The following NRDE2 variants were observed in gnomAD, a reference collection of about 807,000 sequenced individuals.
NRDE2 encodes the protein nuclear exosome regulator NRDE2.
NRDE2 carries 76 observed loss-of-function variants against 124.2 expected under a neutral mutation model. The observed-to-expected ratio is 0.61, with a 90% CI of 0.51 to 0.74. NRDE2 has a LOEUF of 0.74. Among genes scored for constraint, NRDE2 ranks in the 30% least tolerant of loss-of-function variants. NRDE2 has a pLI of 0.00. For synonymous variants in NRDE2, 489 were observed against 528.1 expected, an observed-to-expected ratio of 0.93 and a Z score of 1.01; for missense variants, 1,314 against 1,417.3, an observed-to-expected ratio of 0.93 and a Z score of 1.17.
At position 90,269,361 on chromosome 14, in the gene NRDE2, T is replaced by C. The variant is rs200776384; in HGVS notation, c.*8975A>G. On this transcript the variant is annotated 3_prime_UTR_variant, in exon 14 of 14. Transcript: ENST00000354366. ...AATTCCCCTTGAGCAGGCGATCAGT[T>C]GAGTCTTCATTCCTTCCCTTTTTTT... 3.8e-6 allele frequency: 6 copies of C among 1,566,594 alleles called. No individual in the cohort carries two copies. Among genetic ancestry groups the C allele is most frequent in the Non-Finnish European group, 4.3e-6 (5 of 1,157,076 alleles).
chr14:90,319,004 T>C (rs1196196476), intron 1 of NRDE2, among the ~76,000 whole-genome samples: 1 of 152,220 alleles, frequency 6.6e-6, no homozygotes, highest in African/African-American at 2.4e-5. Context: ...ATTATATAAA[T>C]GTGAATACTG....
intron 8 of NRDE2, among the ~76,000 whole-genome samples, chr14:90,297,434 T>C (rs1199068203): frequency 1.3e-5 from 2 of 152,106 alleles, no homozygotes; most frequent in African/African-American, 4.8e-5. Context: ...AAATTTGAAA[T>C]TACACAAGAG....
In NRDE2 at chr14:90,316,756, G is replaced by A; in HGVS notation, c.229C>T (p.Gln77Ter). The change falls in exon 3 of 14, where the codon CAA (glutamine) becomes TAA (stop). Residue 77 changes from glutamine to a stop codon, truncating the protein, a stop_gained. Coordinates refer to ENST00000354366, the MANE Select transcript of NRDE2 (RefSeq NM_017970.4). LOFTEE classifies it high-confidence loss of function. ...DESDTNKKLK[Q>*]TSRKKKKEKK... ...TCTTTCTTCTTTTTTCTACTTGTTT[G>A]TTTGAGCTTTTTGTTAGTGTCACTT... 1.2e-6 allele frequency: 2 copies of A among 1,610,710 alleles called. No individual in the cohort carries two copies. Among genetic ancestry groups the A allele is most frequent in the South Asian group, 2.2e-5 (2 of 90,482 alleles).
Position 90,302,871 on chromosome 14 carries a change from T to C in NRDE2, c.1260A>G (p.Lys420=). The change falls in exon 6 of 14, where the codon AAA becomes AAG. Residue 420 remains lysine (K), a synonymous_variant. Coordinates refer to ENST00000354366, the MANE Select transcript of NRDE2 (RefSeq NM_017970.4). The part of the protein sequence containing the change: ...LHPNNTALWQ[K]YLLFCQSQFS... ...ACTGGCTCTGGCAAAATAAAAGGTA[T>C]TTCTGCCAAAGGGCTGTATTATTGG... is the stretch of plus-strand genomic sequence containing the variant. 1.2e-6 allele frequency: 2 copies of C among 1,614,128 alleles called. No individual in the cohort carries two copies. The highest frequency in any genetic ancestry group is 1.7e-5 in the Admixed American group (1 of 60,020).
rs1891801626 is a variant in NRDE2, at chr14:90,276,241, CGGA to C, written c.*2092_*2094del. ...TGTTTTTTTTTTTTTTTTTTCGAGA[CGGA>C]GTCTTGCTGTGTCGCCCAGGCTGGA... On this transcript the variant is annotated 3_prime_UTR_variant, in exon 14 of 14. Transcript: ENST00000354366. 1 of 102,884 alleles carries C rather than the reference CGGA, an allele frequency of 9.7e-6. No homozygotes were observed. The highest frequency in any genetic ancestry group is 3.6e-5 in the African/African-American group (1 of 27,458). 6.4% of individuals were successfully genotyped at this position (102,884 alleles called of 1,614,324 possible).
At chr14:90,317,140 G>A (rs998950515) in intron 2 of NRDE2, among the ~76,000 whole-genome samples, 4 of 152,106 alleles carry the variant, frequency 2.6e-5, no homozygotes, top group Non-Finnish European at 5.9e-5. Context: ...GCTGGGTGTG[G>A]TTACTCATGC....
intron 3 of NRDE2, among the ~76,000 whole-genome samples, chr14:90,313,292 A>C (rs1884917991): frequency 6.6e-6 from 1 of 151,848 alleles, no homozygotes; most frequent in African/African-American, 2.4e-5. Flanking sequence ...ACACCTGGCT[A>C]ATTTTTTGTA....
chr14:90,315,957 C>CAAAAAAAAAAAAA (rs59604203), intron 3 of NRDE2, among the ~76,000 whole-genome samples: 6 of 74,388 alleles, frequency 8.1e-5, no homozygotes, highest in African/African-American at 1.1e-4. Context: ...AACCCCGTCT[C>CAAAAAAAAAAAAA]AAAAAAAAAA....
intron 1 of NRDE2, among the ~76,000 whole-genome samples, chr14:90,331,005 C>G (rs1183940730): frequency 6.6e-6 from 1 of 151,806 alleles, no homozygotes; most frequent in Non-Finnish European, 1.5e-5. Flanking sequence ...TGGCTCACTG[C>G]GGCCTCAAAC....
intron 13 of NRDE2, 22 bp from the exon 14 acceptor site, chr14:90,278,483 C>T (rs542643460): frequency 8.1e-6 from 13 of 1,611,702 alleles, no homozygotes; most frequent in African/African-American, 5.3e-5. Flanking sequence ...GCAGGAAGGC[C>T]GCCCCACTCA....
intron 6 of NRDE2, 73 bp downstream of exon 6, chr14:90,302,647 G>C: frequency 7.3e-7 from 1 of 1,375,512 alleles, no homozygotes; most frequent in Non-Finnish European, 9.8e-7. Context: ...ATCAAAAATA[G>C]ATCTTCATTT....
chr14:90,278,341 C>A lies in NRDE2; in HGVS notation c.3490G>T (p.Asp1164Tyr). The change falls in exon 14 of 14, where the codon GAT (aspartate) becomes TAT (tyrosine). Residue 1164 changes from aspartate to tyrosine, a missense_variant. By Grantham distance (160) the Asp-to-Tyr change is radical (BLOSUM62 -3). Transcript: ENST00000354366. ...PLEELELLLE[D>Y] ...GCCCGTTTTCCCGCTGCTCTCTAAT[C>A]CTCCAGCAGCAGCTCCAGCTCCTCC... 1 of 1,614,122 alleles carries A rather than the reference C, an allele frequency of 6.2e-7. No individual in the cohort carries two copies. The highest frequency in any genetic ancestry group is 1.1e-5 in the South Asian group (1 of 91,078).
At chr14:90,318,233 G>C in intron 1 of NRDE2, 120 bp from the exon 2 acceptor site, 1 of 724,006 alleles carries the variant, frequency 1.4e-6, no homozygotes, top group Non-Finnish European at 2.3e-6. Context: ...CAGACGTTTT[G>C]AACAGTCAGT....
chr14:90,298,322 G>T lies in NRDE2; in HGVS notation c.1604C>A (p.Ala535Asp). 6.2e-7 allele frequency: 1 copy of T among 1,613,604 alleles called. No homozygotes were observed. The highest frequency in any genetic ancestry group is 8.5e-7 in the Non-Finnish European group (1 of 1,179,950). Residue 535 changes from alanine (A) to aspartate (D), a missense_variant, in exon 8 of 14, where the codon GCC becomes GAC. Ala to Asp is a moderately radical substitution (Grantham distance 126, BLOSUM62 -2). Coordinates refer to ENST00000354366, the MANE Select transcript of NRDE2 (RefSeq NM_017970.4). ...SGEPRAGEKG[A>D]RGWKAWMHQQ... ...GTGCATCCACGCCTTCCAGCCTCGGGCTCCCTTCTCCCCAGCCCGGGGCTC... is the reference window on the plus strand; with the variant it reads ...GTGCATCCACGCCTTCCAGCCTCGGTCTCCCTTCTCCCCAGCCCGGGGCTC...
In NRDE2 at chr14:90,277,624, T is replaced by C. The variant is rs1360636937; in HGVS notation, c.*712A>G. On this transcript the variant is annotated 3_prime_UTR_variant, in exon 14 of 14. Coordinates refer to ENST00000354366, the MANE Select transcript of NRDE2 (RefSeq NM_017970.4). ...CAGGGCTGGGGCTGGCGGTACAGCG[T>C]GCTCGGCTCCTAGACGGCTTGGGAG... 3 of 152,366 alleles carry C rather than the reference T, an allele frequency of 2.0e-5. No individual in the cohort carries two copies. Among genetic ancestry groups the C allele is most frequent in the South Asian group, 2.1e-4 (1 of 4,838 alleles). The allele number at this position is 152,366 out of a possible 1,614,324, so 9.4% of individuals were successfully genotyped here. A position where few individuals can be genotyped will look rare whatever the true frequency, so the allele number is the denominator to read the frequency against.
chr14:90,318,373 G>C (rs548022227), intron 1 of NRDE2, among the ~76,000 whole-genome samples: 1 of 152,322 alleles, frequency 6.6e-6, no homozygotes, highest in South Asian at 2.1e-4. Context: ...CAAAAGCCAT[G>C]TAACAAGTAC....
chr14:90,314,849 C>T (rs2149650), intron 3 of NRDE2, among the ~76,000 whole-genome samples: 52,552 of 151,796 alleles, frequency 0.35, 9,372 homozygotes, highest in African/African-American at 0.45. Flanking sequence ...ACCTTTTTGC[C>T]GGACTGCTTT....
At chr14:90,292,655 G>A (rs753066956) in intron 9 of NRDE2, 42 bp downstream of exon 9, 3 of 1,582,310 alleles carry the variant, frequency 1.9e-6, no homozygotes, top group Non-Finnish European at 8.6e-7. Context: ...AGCAGGCAGG[G>A]ACCCCCTGGA....
chr14:90,331,737 G>T, intron 1 of NRDE2, 104 bp downstream of exon 1: 2 of 1,262,958 alleles, frequency 1.6e-6, no homozygotes, highest in Non-Finnish European at 2.3e-6. Context: ...AGAACTCTGG[G>T]ATACAAATGG....
Sources: gnomAD v4.1 joint callset for allele counts (sites outside exome capture counted in the v4.1 genomes callset) on GRCh38, gnomAD v4.1.1 for gene constraint, MANE v1.5 for transcripts, NCBI Gene and HGNC (gene_info 2026-07-23, HGNC 2026-07-21) for gene names.